The following DCDC2 variants were observed in gnomAD, a reference collection of about 807,000 sequenced individuals.
The protein encoded by DCDC2 is doublecortin domain containing 2, also known as doublecortin domain-containing protein 2.
Under a neutral mutation model 50.2 loss-of-function variants are expected in DCDC2, and 40 were observed. That is an observed-to-expected ratio of 0.80 (90% CI 0.62 to 1.04). The LOEUF (loss-of-function observed/expected upper bound fraction) is 1.04, where lower values mean the gene tolerates loss of function less well. Among genes scored for constraint, DCDC2 ranks in the 50% least tolerant of loss-of-function variants. DCDC2 has a pLI of 0.00. For missense variants in DCDC2, 570 were observed against 581.9 expected (o/e 0.98, Z 0.21); for synonymous variants, 234 against 210.6 (o/e 1.11, Z -0.96).
intron 8 of DCDC2, among the ~76,000 whole-genome samples, chr6:24,200,738 T>C (rs1229993251): frequency 1.3e-5 from 2 of 152,002 alleles, no homozygotes; most frequent in African/African-American, 4.8e-5. Flanking sequence ...ATCGGTGTGC[T>C]GTATTCAGGA....
intron 4 of DCDC2, among the ~76,000 whole-genome samples, chr6:24,297,882 T>C (rs553678860): frequency 5.3e-5 from 8 of 152,224 alleles, no homozygotes; most frequent in African/African-American, 9.6e-5. Flanking sequence ...TTATAAAGAT[T>C]GAAAATTAGA....
chr6:24,249,279 G>T (rs1762748969), intron 7 of DCDC2, among the ~76,000 whole-genome samples: 1 of 152,104 alleles, frequency 6.6e-6, no homozygotes, highest in African/African-American at 2.4e-5. Flanking sequence ...GTGGAGATGG[G>T]TTTGACTTGC....
intron 7 of DCDC2, among the ~76,000 whole-genome samples, chr6:24,251,622 G>A (rs1302485790): frequency 2.0e-5 from 3 of 152,080 alleles, no homozygotes; most frequent in African/African-American, 4.8e-5. Context: ...CTCTGGTCTT[G>A]AGCACATTCT....
At chr6:24,353,446 T>G in intron 2 of DCDC2, 123 bp downstream of exon 2, 1 of 672,998 alleles carries the variant, frequency 1.5e-6, no homozygotes, top group Non-Finnish European at 2.7e-6. Context: ...AAACATATAA[T>G]GTTCCATTTC....
chr6:24,370,199 T>C, the DCDC2 span, among the ~76,000 whole-genome samples: 1 of 152,174 alleles, frequency 6.6e-6, no homozygotes, highest in Non-Finnish European at 1.5e-5. Flanking sequence ...TAGAGGCTAC[T>C]GTTTCACATC....
intron 7 of DCDC2, among the ~76,000 whole-genome samples, chr6:24,220,887 A>AGTGAGCGAGCGAGCGAGC (rs1554146345): frequency 8.7e-6 from 1 of 114,848 alleles, no homozygotes; most frequent in Non-Finnish European, 1.8e-5. Context: ...CGAGAGCGAG[A>AGTGAGCGAGCGAGCGAGC]GAGTGAGCGA....
At chr6:24,174,874 T>C in intron 9 of DCDC2, 40 bp from the exon 10 acceptor site, 1 of 1,384,070 alleles carries the variant, frequency 7.2e-7, no homozygotes, top group Non-Finnish European at 1.0e-6. Context: ...TTCAGCTGTT[T>C]GGTTCACAAA....
intron 7 of DCDC2, among the ~76,000 whole-genome samples, chr6:24,266,463 C>A (rs1281253402): frequency 6.6e-6 from 1 of 152,034 alleles, no homozygotes; most frequent in African/African-American, 2.4e-5. Flanking sequence ...GCTAAAACAA[C>A]TCAATAGGGA....
At chr6:24,294,815 T>C (rs1179827360) in intron 4 of DCDC2, among the ~76,000 whole-genome samples, 4 of 152,024 alleles carry the variant, frequency 2.6e-5, no homozygotes, top group Admixed American at 2.6e-4. Flanking sequence ...CTCTTAAAAT[T>C]GAATCCGTAA....
intron 9 of DCDC2, among the ~76,000 whole-genome samples, chr6:24,177,725 G>A (rs777280154): frequency 7.9e-5 from 12 of 152,118 alleles, no homozygotes; most frequent in Non-Finnish European, 1.3e-4. Context: ...GATTTCACCA[G>A]ATATTACTTT....
At chr6:24,271,518 G>A (rs915848299) in intron 7 of DCDC2, among the ~76,000 whole-genome samples, 3 of 152,158 alleles carry the variant, frequency 2.0e-5, no homozygotes, top group African/African-American at 7.2e-5. Flanking sequence ...CCCCACCCGA[G>A]TAACTCCAGG....
intron 7 of DCDC2, among the ~76,000 whole-genome samples, chr6:24,240,986 T>C (rs142555846): frequency 1.8e-4 from 27 of 152,360 alleles, no homozygotes; most frequent in Admixed American, 1.0e-3. Context: ...TCAGGAACAA[T>C]GGAAGTAATT....
At chr6:24,176,969 TGGAA>T (rs1329751016) in intron 9 of DCDC2, among the ~76,000 whole-genome samples, 1 of 152,376 alleles carries the variant, frequency 6.6e-6, no homozygotes, top group African/African-American at 2.4e-5. Flanking sequence ...TTATGGAAGA[TGGAA>T]GGACAGGCAA....
At chr6:24,342,465 G>C (rs1760176033) in intron 2 of DCDC2, among the ~76,000 whole-genome samples, 1 of 152,182 alleles carries the variant, frequency 6.6e-6, no homozygotes, top group Non-Finnish European at 1.5e-5. Flanking sequence ...CCACTTCTCC[G>C]TGGAGTGTGG....
At chr6:24,343,051 C>CT (rs11322032) in intron 2 of DCDC2, among the ~76,000 whole-genome samples, 1,743 of 124,070 alleles carry the variant, frequency 0.014, 33 homozygotes, top group African/African-American at 0.039. Context: ...GGTAAATATT[C>CT]TTTTTTTTTT....
chr6:24,355,600 C>G (rs1175499343), intron 1 of DCDC2, among the ~76,000 whole-genome samples: 1 of 152,168 alleles, frequency 6.6e-6, no homozygotes, highest in Non-Finnish European at 1.5e-5. Context: ...GCGACTTGCC[C>G]AAGGACACAG....
chr6:24,375,833 G>A, the DCDC2 span, among the ~76,000 whole-genome samples: 2 of 131,890 alleles, frequency 1.5e-5, no homozygotes, highest in Non-Finnish European at 3.4e-5. Flanking sequence ...AAAGGAGAGA[G>A]ATGAAAAGGG....
At position 24,174,754 on chromosome 6, in the gene DCDC2, G is replaced by A; in HGVS notation, c.1407C>T (p.Asn469=). The A allele has an allele frequency of 1.2e-6, 2 of 1,613,236 alleles. No individual in the cohort carries two copies. The highest frequency in any genetic ancestry group is 1.7e-6 in the Non-Finnish European group (2 of 1,179,526). ...TCTAAGCCACGGCAGCATAGTCCTT[G>A]TTTTGTTGGTTGTTTTCATTTTCTT... ...SPEENENNQQ[N]KDYAAVA The change falls in exon 10 of 10, where the codon AAC becomes AAT. Residue 469 remains asparagine (N), a synonymous_variant. Coordinates refer to ENST00000378454, the MANE Select transcript of DCDC2 (RefSeq NM_016356.5).
At chr6:24,283,777 T>A (rs189385761) in intron 6 of DCDC2, among the ~76,000 whole-genome samples, 57 of 152,324 alleles carry the variant, frequency 3.7e-4, no homozygotes, top group African/African-American at 1.2e-3. Flanking sequence ...TGACTTTGGA[T>A]TTACTGGCAT....
Sources: allele counts gnomAD v4.1 joint callset (sites outside exome capture counted in the v4.1 genomes callset), GRCh38; gene constraint gnomAD v4.1.1; transcripts MANE v1.5; gene names NCBI Gene and HGNC (gene_info 2026-07-23, HGNC 2026-07-21).